NTF4: variants seen among roughly 807,000 people sequenced by gnomAD.
The protein encoded by NTF4 is neurotrophin-4.
Under a neutral mutation model 4.4 loss-of-function variants are expected in NTF4, and 2 were observed. The observed-to-expected ratio is 0.46, with a 90% confidence interval of 0.19 to 1.44. NTF4 has a LOEUF of 1.44. Ranked by LOEUF, NTF4 falls within the 40% of genes most tolerant of loss-of-function variation. The probability of loss-of-function intolerance (pLI) is 0.26; values close to 1 mark genes in which losing one functional copy is unlikely to be tolerated. For synonymous variants in NTF4, 127 were observed against 122.0 expected (o/e 1.04, Z -0.27); for missense variants, 260 against 293.0 (o/e 0.89, Z 0.82).
chr19:49,058,845 A>C, downstream of NTF4: 1 of 155,158 alleles, frequency 6.4e-6, no homozygotes, highest in Non-Finnish European at 1.4e-5. Context: ...GCCCACCCCA[A>C]TCCAGCCAAT....
upstream of NTF4, chr19:49,064,950 C>A (rs977124679): frequency 3.9e-5 from 6 of 151,956 alleles, no homozygotes; most frequent in Admixed American, 3.3e-4. Context: ...GGAGATCTTA[C>A]CTGGGGCGCC....
At chr19:49,063,966 A>C (rs2040184646), upstream of NTF4, 1 of 152,558 alleles carries the variant, frequency 6.6e-6, no homozygotes, top group South Asian at 2.1e-4. Context: ...AGGGTACCCA[A>C]GAGTCAAGGC....
upstream of NTF4, among the ~76,000 whole-genome samples, chr19:49,062,984 T>C (rs1191295793): frequency 1.3e-5 from 2 of 151,514 alleles, no homozygotes; most frequent in Non-Finnish European, 2.9e-5. Context: ...GAACCGACAG[T>C]CTTGCATCTT....
chr19:49,061,579 C>A lies in NTF4; in HGVS notation c.419G>T (p.Arg140Leu). The A allele has an allele frequency of 6.2e-7, 1 of 1,614,172 alleles. No homozygotes were observed. The highest frequency in any genetic ancestry group is 8.5e-7 in the Non-Finnish European group (1 of 1,180,038). The change falls in exon 1 of 1, where the codon CGC (arginine) becomes CTC (leucine). Residue 140 changes from arginine to leucine, a missense_variant. Physicochemically the swap from Arg to Leu is moderately radical, Grantham distance 102. Transcript: ENST00000593537. This position sits in a 1 kb window ranked among gnomAD's most constrained non-coding sequence, Gnocchi z 4.9. ...TTCCTCAGCGTTATCAGCCTTGCAG[C>A]GGGTTTCAAAGAAGTACTGGCGGAG...
Position 49,061,157 on chromosome 19 carries a change from T to C in NTF4, c.*208A>G. 1.2e-6 allele frequency: 1 copy of C among 815,888 alleles called. No individual in the cohort carries two copies. Among genetic ancestry groups the C allele is most frequent in the Non-Finnish European group, 1.9e-6 (1 of 530,392 alleles). The allele number at this position is 815,888 out of a possible 1,614,324, so 50.5% of individuals were successfully genotyped here. On this transcript the variant is annotated 3_prime_UTR_variant, in exon 1 of 1. Transcript: ENST00000593537. The surrounding 1 kb of genome is among the most constrained non-coding windows in gnomAD (Gnocchi z 4.9). Reference sequence around the variant, plus strand: ...GGCTATTATTATTATATCATCATCATTATTACCCTCAAGTTGCTCCAGGAG... The same window carrying C: ...GGCTATTATTATTATATCATCATCACTATTACCCTCAAGTTGCTCCAGGAG...
chr19:49,060,421 T>G (rs965558325), downstream of NTF4, among the ~76,000 whole-genome samples: 2 of 152,122 alleles, frequency 1.3e-5, no homozygotes, highest in African/African-American at 4.8e-5. Context: ...AACCTCTGCC[T>G]CCTGAGTTCA....
chr19:49,064,056 AGG>A (rs1568409704), upstream of NTF4: 1 of 153,520 alleles, frequency 6.5e-6, no homozygotes, highest in African/African-American at 2.4e-5. Flanking sequence ...AGGGAGGGGA[AGG>A]GAGAATAGGG....
chr19:49,062,143 C>T (rs996767185), upstream of NTF4: 3 of 975,500 alleles, frequency 3.1e-6, no homozygotes, highest in South Asian at 6.6e-5. Flanking sequence ...TTTGGGGGAC[C>T]CTATATCTAG....
chr19:49,059,553 C>T (rs770222773), downstream of NTF4, among the ~76,000 whole-genome samples: 16 of 152,232 alleles, frequency 1.1e-4, no homozygotes, highest in Admixed American at 2.0e-4. Flanking sequence ...AACAAGGAGA[C>T]GTAGAAACTG....
At chr19:49,062,398 G>T (rs2040163796), upstream of NTF4, among the ~76,000 whole-genome samples, 1 of 152,300 alleles carries the variant, frequency 6.6e-6, no homozygotes, top group Non-Finnish European at 1.5e-5. Flanking sequence ...TGAGGCAGGA[G>T]AATCACTTGA....
upstream of NTF4, among the ~76,000 whole-genome samples, chr19:49,063,569 G>C (rs1253636143): frequency 6.6e-6 from 1 of 152,128 alleles, no homozygotes; most frequent in Non-Finnish European, 1.5e-5. Flanking sequence ...GAGGTAAAAC[G>C]CTGCCCCTCT....
chr19:49,060,135 C>T (rs1248888439), downstream of NTF4, among the ~76,000 whole-genome samples: 1 of 141,068 alleles, frequency 7.1e-6, no homozygotes, highest in South Asian at 2.4e-4. Flanking sequence ...ATTCTGCAGA[C>T]AAGGAAAACT....
At chr19:49,063,198 G>C (rs570125480), upstream of NTF4, among the ~76,000 whole-genome samples, 1 of 151,948 alleles carries the variant, frequency 6.6e-6, no homozygotes, top group Non-Finnish European at 1.5e-5. Flanking sequence ...ATAGAGATGG[G>C]GTTTCACCAT....
At chr19:49,058,580 C>T (rs2122214687), downstream of NTF4, 1 of 481,420 alleles carries the variant, frequency 2.1e-6, no homozygotes, top group East Asian at 3.4e-5. Context: ...GGTCCCCAGG[C>T]CCCGCAGGGC....
upstream of NTF4, among the ~76,000 whole-genome samples, chr19:49,063,578 C>T (rs1439185193): frequency 2.0e-5 from 3 of 152,188 alleles, no homozygotes; most frequent in African/African-American, 7.2e-5. Context: ...CGCTGCCCCT[C>T]TGAGGCAGGC....
At chr19:49,064,063 A>C (rs1050061904), upstream of NTF4, 2 of 153,374 alleles carry the variant, frequency 1.3e-5, no homozygotes, top group African/African-American at 4.8e-5. Flanking sequence ...GGAAGGGAGA[A>C]TAGGGGAAGG....
At position 49,061,208 on chromosome 19, in the gene NTF4, C is replaced by G; in HGVS notation, c.*157G>C. 6.9e-7 allele frequency: 1 copy of G among 1,446,452 alleles called. No individual in the cohort carries two copies. Among genetic ancestry groups the G allele is most frequent in the South Asian group, 1.3e-5 (1 of 75,782 alleles). The allele number at this position is 1,446,452 out of a possible 1,614,324, so 89.6% of individuals were successfully genotyped here. A position where few individuals can be genotyped will look rare whatever the true frequency, so the allele number is the denominator to read the frequency against. ...AACTCCTATTCAACCTCCAAAACCC[C>G]ATGTGGTTTCACCCATCCTGCAGAG... On this transcript the variant is annotated 3_prime_UTR_variant, in exon 1 of 1. Coordinates refer to ENST00000593537, the Ensembl canonical transcript of NTF4. This position sits in a 1 kb window ranked among gnomAD's most constrained non-coding sequence, Gnocchi z 4.9.
chr19:49,060,501 T>C (rs2122218685), downstream of NTF4: 1 of 152,218 alleles, frequency 6.6e-6, no homozygotes. Flanking sequence ...CCAGCTAATT[T>C]CTTTATATAA....
In NTF4 at chr19:49,061,567, T is replaced by A. The variant is rs1172159294; in HGVS notation, c.431A>T (p.Asp144Val). 1 of 1,614,066 alleles carries A rather than the reference T, an allele frequency of 6.2e-7. No individual in the cohort carries two copies. The highest frequency in any genetic ancestry group is 1.3e-5 in the African/African-American group (1 of 74,948). Residue 144 changes from aspartate (D) to valine (V), a missense_variant, in exon 1 of 1, where the codon GAT becomes GTT. By Grantham distance (152) the Asp-to-Val change is radical. Transcript: ENST00000593537. The surrounding 1 kb of genome is among the most constrained non-coding windows in gnomAD (Gnocchi z 4.9). The stretch of plus-strand genomic sequence containing the variant: ...CCCCGGGCCACCTTCCTCAGCGTTA[T>A]CAGCCTTGCAGCGGGTTTCAAAGAA...
Sources: gnomAD v4.1 joint callset for allele counts (sites outside exome capture counted in the v4.1 genomes callset) on GRCh38, gnomAD v4.1.1 for gene constraint, Gnocchi (gnomAD v3.1) non-coding constraint, MANE v1.5 for transcripts, NCBI Gene and HGNC (gene_info 2026-07-23, HGNC 2026-07-21) for gene names.